Variants in MIR17HG observed in about 807,000 individuals in gnomAD.
MIR17HG encodes the protein MIR17 host gene (non-protein coding).
At chr13:91,349,319 C>A (rs552690809) in intron 1 of MIR17HG, among the ~76,000 whole-genome samples, 1 of 152,162 alleles carries the variant, frequency 6.6e-6, no homozygotes, top group African/African-American at 2.4e-5. Context: ...AACTCTTTAT[C>A]CCGGCTTGCA....
At chr13:91,350,375 A>T (rs930089143) in intron 3 of MIR17HG, 1 of 319,808 alleles carries the variant, frequency 3.1e-6, no homozygotes, top group African/African-American at 2.2e-5. Context: ...TGCTAGTTGG[A>T]TGGTTGGTTA....
At chr13:91,350,748 T>G in intron 3 of MIR17HG, 1 of 534,130 alleles carries the variant, frequency 1.9e-6, no homozygotes, top group Non-Finnish European at 3.9e-6. Flanking sequence ...GTTGAGTGCT[T>G]TTTGTTCTAA....
chr13:91,350,916 T>C (rs1170543143), intron 3 of MIR17HG: 1 of 534,534 alleles, frequency 1.9e-6, no homozygotes, highest in African/African-American at 1.9e-5. Flanking sequence ...TTTTGCATAG[T>C]TGCACTACAA....
At chr13:91,350,067 T>G (rs942664544) in intron 2 of MIR17HG, 15 of 155,432 alleles carry the variant, frequency 9.7e-5, no homozygotes, top group African/African-American at 3.6e-4. Context: ...AGATGATAGA[T>G]TTAAACAGGA....
At chr13:91,349,087 CG>C (rs1290445087) in intron 1 of MIR17HG, among the ~76,000 whole-genome samples, 4 of 151,874 alleles carry the variant, frequency 2.6e-5, no homozygotes, top group Admixed American at 2.6e-4. Context: ...GGCGGCTACG[CG>C]GAGAATCGCA....
intron 3 of MIR17HG, chr13:91,351,285 C>G: frequency 1.9e-6 from 1 of 531,924 alleles, no homozygotes; most frequent in Non-Finnish European, 3.9e-6. Context: ...AGTGAAAAGT[C>G]TGTAGAAAAG....
chr13:91,352,023 TAGAAAA>T (rs1429690727), intron 3 of MIR17HG: 3 of 152,906 alleles, frequency 2.0e-5, no homozygotes, highest in Non-Finnish European at 4.4e-5. Context: ...AAATGGGAGT[TAGAAAA>T]AGAACAAATG....
intron 1 of MIR17HG, among the ~76,000 whole-genome samples, chr13:91,348,483 C>T (rs939154291): frequency 2.7e-5 from 4 of 149,838 alleles, no homozygotes; most frequent in African/African-American, 7.3e-5. Context: ...ACCTGCGCGC[C>T]AGCGGGCGGC....
chr13:91,348,480 C>G (rs1875083738), intron 1 of MIR17HG, among the ~76,000 whole-genome samples: 1 of 150,510 alleles, frequency 6.6e-6, no homozygotes, highest in Non-Finnish European at 1.5e-5. Context: ...GGTACCTGCG[C>G]GCCAGCGGGC....
At chr13:91,349,030 G>A (rs1271426930) in intron 1 of MIR17HG, among the ~76,000 whole-genome samples, 3 of 151,414 alleles carry the variant, frequency 2.0e-5, no homozygotes, top group African/African-American at 4.8e-5. Flanking sequence ...AACGGGTTGG[G>A]GGGGTTGCCG....
rs370066210 is a variant in MIR17HG at position 91,350,247 on chromosome 13, C to CT, written n.284+24dup. 1.7e-3 allele frequency: 359 copies of CT among 208,504 alleles called. 1 individual carries two copies. Among genetic ancestry groups the CT allele is most frequent in the Non-Finnish European group, 3.0e-3 (304 of 100,232 alleles). The allele number at this position is 208,504 out of a possible 1,614,324, so 12.9% of individuals were successfully genotyped here. A position where few individuals can be genotyped will look rare whatever the true frequency, so the allele number is the denominator to read the frequency against. On this transcript the variant is annotated intron_variant and non_coding_transcript_variant, in intron 3 of 3. Coordinates refer to ENST00000400282, the Ensembl canonical transcript of MIR17HG. ...AAAAGGTACACATGGACTAAATTGC[C>CT]TTTAAATGTTCCAAAATTAGTTCTC...
At chr13:91,351,941 C>T (rs1339848490) in intron 3 of MIR17HG, 2 of 153,420 alleles carry the variant, frequency 1.3e-5, no homozygotes, top group Non-Finnish European at 2.9e-5. Flanking sequence ...GTTTTTCTTT[C>T]TGATTGTCAG....
intron 1 of MIR17HG, among the ~76,000 whole-genome samples, chr13:91,348,181 C>CGGGAGGGT (rs1875061487): frequency 1.6e-4 from 1 of 6,064 alleles, no homozygotes; most frequent in East Asian, 2.7e-3. Context: ...AGGGCCGGGG[C>CGGGAGGGT]GGGAGGGTGG....
intron 3 of MIR17HG, chr13:91,350,725 A>G (rs778480478): frequency 1.9e-6 from 1 of 534,050 alleles, no homozygotes; most frequent in Non-Finnish European, 3.9e-6. Context: ...TTTAAAGTGC[A>G]GGGCCTGCTG....
rs751947279 is a variant in MIR17HG, at chr13:91,350,729, C to G, written n.284+503C>G. ...CCAAGTTGGGCTTTAAAGTGCAGGG[C>G]CTGCTGATGTTGAGTGCTTTTTGTT... On this transcript the variant is annotated intron_variant and non_coding_transcript_variant, in intron 3 of 3. Coordinates refer to ENST00000400282, the Ensembl canonical transcript of MIR17HG. 3 of 533,952 alleles carry G rather than the reference C, an allele frequency of 5.6e-6. No individual in the cohort carries two copies. The Admixed American group carries it at 5.8e-5, about 10-fold the overall frequency. The allele number at this position is 533,952 out of a possible 1,614,324, so 33.1% of individuals were successfully genotyped here.
rs559204702 is a variant in MIR17HG, at chr13:91,347,864, T to A, written n.45T>A. ...GGGCCGGCCGGCCGCACCCCCGGCC[T>A]GGGGCCTCCGGTCGTAGTAAAGCGC... On this transcript the variant is annotated non_coding_transcript_exon_variant, in exon 1 of 4. Transcript: ENST00000400282. The A allele has an allele frequency of 2.0e-5, 3 of 148,534 alleles. No homozygotes were observed. The East Asian group carries it at 6.2e-4, about 31-fold the overall frequency. The allele number at this position is 148,534 out of a possible 1,614,324, so 9.2% of individuals were successfully genotyped here.
intron 1 of MIR17HG, among the ~76,000 whole-genome samples, chr13:91,348,753 G>C (rs1458311342): frequency 2.0e-5 from 3 of 150,306 alleles, no homozygotes; most frequent in Non-Finnish European, 4.5e-5. Flanking sequence ...AGCCCGGCTC[G>C]GCGGGAGCGG....
At chr13:91,348,611 C>T (rs1478747898) in intron 1 of MIR17HG, among the ~76,000 whole-genome samples, 1 of 150,970 alleles carries the variant, frequency 6.6e-6, no homozygotes, top group Non-Finnish European at 1.5e-5. Context: ...TTTGTTAGCC[C>T]GCGTGGGCAG....
chr13:91,352,136 C>G (rs1875347167), intron 3 of MIR17HG: 1 of 152,216 alleles, frequency 6.6e-6, no homozygotes, highest in African/African-American at 2.4e-5. Flanking sequence ...ATTTCTAAGT[C>G]TGTAGTTAAC....
Sources: gnomAD v4.1 joint callset for allele counts (sites outside exome capture counted in the v4.1 genomes callset) on GRCh38, gnomAD v4.1.1 for gene constraint, MANE v1.5 for transcripts, NCBI Gene and HGNC (gene_info 2026-07-23, HGNC 2026-07-21) for gene names.